Variants in UTRN observed in about 807,000 individuals in gnomAD.
UTRN encodes dystrophin-related protein 1.
In UTRN, 283 loss-of-function variants were observed where a neutral mutation model predicts 463.9. That is an observed-to-expected ratio of 0.61 (90% CI 0.55 to 0.67). The LOEUF (loss-of-function observed/expected upper bound fraction) is 0.67. Ranked by LOEUF, UTRN falls within the 30% of genes least tolerant of loss-of-function variation. The pLI is 0.00. For synonymous variants in UTRN, 1,442 were observed against 1,431.5 expected, an observed-to-expected ratio of 1.01 and a Z score of -0.17; for missense variants, 3,922 against 4,084.3, an observed-to-expected ratio of 0.96 and a Z score of 1.08.
At chr6:144,833,797 T>G (rs1780874353) in intron 69 of UTRN, among the ~76,000 whole-genome samples, 1 of 152,196 alleles carries the variant, frequency 6.6e-6, no homozygotes, top group Non-Finnish European at 1.5e-5. Context: ...GACATTAGTC[T>G]TACAGCTTGC....
In UTRN at chr6:144,748,441, C is replaced by T. The variant is rs1362814424; in HGVS notation, c.8135C>T (p.Ser2712Phe). The T allele has an allele frequency of 1.9e-6, 3 of 1,613,980 alleles. No individual in the cohort carries two copies. The South Asian group carries it at 3.3e-5, about 18-fold the overall frequency. Residue 2712 changes from serine to phenylalanine, a missense_variant, in exon 55 of 75, where the codon TCC becomes TTC. By Grantham distance (155) the Ser-to-Phe change is radical. This residue lies in a region of UTRN where 1,309 missense variants were observed against 1,452.6 expected (regional missense o/e 0.90). Coordinates refer to ENST00000367545, the MANE Select transcript of UTRN (RefSeq NM_007124.3). ...DLDADMKEAE[S>F]VRNGWKPVGD... ...GACGCTGACATGAAGGAGGCAGAGT[C>T]CGTGCGGAATGGCTGGAAGCCCGTG...
chr6:144,632,540 G>T (rs1776635606), intron 51 of UTRN, among the ~76,000 whole-genome samples: 1 of 151,982 alleles, frequency 6.6e-6, no homozygotes, highest in Non-Finnish European at 1.5e-5. Flanking sequence ...TTTCTTGACA[G>T]CAGAGATGTA....
At chr6:144,819,907 T>TCCC (rs1562948979) in intron 65 of UTRN, among the ~76,000 whole-genome samples, 3 of 114,166 alleles carry the variant, frequency 2.6e-5, no homozygotes, top group Admixed American at 9.4e-5. Context: ...CTCCTCCTCC[T>TCCC]CCTCCTCTCT....
At chr6:144,313,963 A>C (rs543567103) in intron 2 of UTRN, among the ~76,000 whole-genome samples, 7 of 152,254 alleles carry the variant, frequency 4.6e-5, no homozygotes, top group African/African-American at 1.7e-4. Context: ...TATAATATAC[A>C]TGTTATGTCT....
intron 38 of UTRN, 65 bp from the exon 39 acceptor site, chr6:144,516,746 T>A (rs933538260): frequency 2.5e-5 from 33 of 1,305,812 alleles, no homozygotes; most frequent in Admixed American, 7.0e-5. Context: ...TCCTTAGGAG[T>A]TGATAGGAAG....
intron 60 of UTRN, among the ~76,000 whole-genome samples, chr6:144,778,116 T>C (rs1258395081): frequency 6.6e-6 from 1 of 152,118 alleles, no homozygotes; most frequent in African/African-American, 2.4e-5. Flanking sequence ...TTAGGGAATA[T>C]CTAAGAAAGA....
At chr6:144,380,303 A>G (rs116883681) in intron 2 of UTRN, among the ~76,000 whole-genome samples, 3,245 of 152,352 alleles carry the variant, frequency 0.021, 61 homozygotes, top group South Asian at 0.076. Flanking sequence ...ATAAAATACT[A>G]TGTAAGGAAG....
At position 144,319,687 on chromosome 6, in the gene UTRN, C is replaced by T. The variant is rs185479015; in HGVS notation, c.79+27780C>T. The stretch of plus-strand genomic sequence containing the variant: ...GGCTCAAATGATCCTCCCATCTCAA[C>T]CTTCAGAGTAGCTGGGACCACAGGC... On this transcript the variant is annotated intron_variant, in intron 2 of 74. Transcript: ENST00000367545. 1.3e-3 allele frequency among the ~76,000 whole-genome samples: 198 copies of T among 152,260 alleles called. 2 individuals carry two copies. The highest frequency in any genetic ancestry group is 0.013 in the Admixed American group (194 of 15,278).
chr6:144,659,434 G>A (rs956273840), intron 51 of UTRN, among the ~76,000 whole-genome samples: 1 of 152,234 alleles, frequency 6.6e-6, no homozygotes. Context: ...GCCGGCAGAA[G>A]GGACTAGATT....
In UTRN at chr6:144,447,217, T is replaced by C; in HGVS notation, c.1621T>C (p.Leu541=). 6.2e-7 allele frequency: 1 copy of C among 1,613,758 alleles called. No individual in the cohort carries two copies. The highest frequency in any genetic ancestry group is 8.5e-7 in the Non-Finnish European group (1 of 1,179,798). ...CTTTTGTTATTACTTGTAGTGCTTG[T>C]TGAAAGCTTGGTTAACCGAAAAAGA... ...WQELLEEQCL[L]KAWLTEKEEA... The change falls in exon 15 of 75, where the codon TTG becomes CTG. Residue 541 remains leucine (L), a synonymous_variant. Coordinates refer to ENST00000367545, the MANE Select transcript of UTRN (RefSeq NM_007124.3).
chr6:144,710,369 A>C lies in UTRN; in HGVS notation c.7809+10126A>C, dbSNP rs528779832. 2.4e-4 allele frequency among the ~76,000 whole-genome samples: 37 copies of C among 152,336 alleles called. No individual in the cohort carries two copies. The South Asian group carries it at 6.2e-3, about 26-fold the overall frequency. ...CTGCTGGAAAAATGTAGCAGACCCTAGTGATGAGCAGGCAGGAAGCCCCAT... is the reference window on the plus strand; with the variant it reads ...CTGCTGGAAAAATGTAGCAGACCCTCGTGATGAGCAGGCAGGAAGCCCCAT... On this transcript the variant is annotated intron_variant, in intron 53 of 74. Transcript: ENST00000367545.
chr6:144,836,584 T>G, intron 71 of UTRN, 43 bp downstream of exon 71: 1 of 1,606,684 alleles, frequency 6.2e-7, no homozygotes, highest in Non-Finnish European at 8.5e-7. Flanking sequence ...CCAGGCCATC[T>G]GTCCACTGCC....
chr6:144,578,749 A>G (rs762258822), intron 51 of UTRN, among the ~76,000 whole-genome samples: 3 of 152,202 alleles, frequency 2.0e-5, no homozygotes, highest in Non-Finnish European at 4.4e-5. Flanking sequence ...TGCAAATCCT[A>G]AGTGAATACT....
At chr6:144,735,788 A>C (rs1789319323) in intron 54 of UTRN, among the ~76,000 whole-genome samples, 1 of 151,944 alleles carries the variant, frequency 6.6e-6, no homozygotes, top group African/African-American at 2.4e-5. Context: ...AAGGGTTAAA[A>C]CGATATTGTA....
At chr6:144,696,553 C>A (rs1329889870) in intron 52 of UTRN, among the ~76,000 whole-genome samples, 3 of 152,144 alleles carry the variant, frequency 2.0e-5, no homozygotes, top group Non-Finnish European at 4.4e-5. Flanking sequence ...GTCTTAATTC[C>A]TTTCCTGGGA....
chr6:144,732,311 T>A (rs1026074902), intron 54 of UTRN, among the ~76,000 whole-genome samples: 1 of 142,878 alleles, frequency 7.0e-6, no homozygotes, highest in Non-Finnish European at 1.5e-5. Context: ...TATATATATA[T>A]AAAAAATGTA....
chr6:144,585,333 T>G (rs1212702475), intron 51 of UTRN, among the ~76,000 whole-genome samples: 1 of 152,148 alleles, frequency 6.6e-6, no homozygotes, highest in Non-Finnish European at 1.5e-5. Flanking sequence ...AAATACTATC[T>G]TCCACGTATT....
At chr6:144,521,266 G>A (rs942350786) in intron 39 of UTRN, among the ~76,000 whole-genome samples, 1 of 151,772 alleles carries the variant, frequency 6.6e-6, no homozygotes, top group Admixed American at 6.6e-5. Flanking sequence ...AGCCTGGGAG[G>A]CAGAGCAACA....
chr6:144,561,236 T>C (rs866483161), intron 50 of UTRN, among the ~76,000 whole-genome samples: 2 of 77,192 alleles, frequency 2.6e-5, no homozygotes, highest in East Asian at 3.2e-4. Flanking sequence ...TATATATATA[T>C]ATATATATAT....
Sources: gnomAD v4.1 joint callset for allele counts (sites outside exome capture counted in the v4.1 genomes callset) on GRCh38, gnomAD v4.1.1 for gene constraint, gnomAD v4.1.1 regional missense constraint, MANE v1.5 for transcripts, NCBI Gene and HGNC (gene_info 2026-07-23, HGNC 2026-07-21) for gene names.